Variants in CABLES1 observed in about 807,000 individuals in gnomAD.
The protein encoded by CABLES1 is CDK5 and ABL1 enzyme substrate 1.
In CABLES1, 36 loss-of-function variants were observed where a neutral mutation model predicts 57.8. That is an observed-to-expected ratio of 0.62 (90% CI 0.48 to 0.82). The LOEUF (loss-of-function observed/expected upper bound fraction) is 0.82. Among genes scored for constraint, CABLES1 ranks in the 40% least tolerant of loss-of-function variants. The pLI, the probability that CABLES1 is intolerant of heterozygous loss-of-function variation, is 0.00. For synonymous variants in CABLES1, 374 were observed against 363.0 expected, an observed-to-expected ratio of 1.03 and a Z score of -0.35; for missense variants, 767 against 836.6, an observed-to-expected ratio of 0.92 and a Z score of 1.03.
At chr18:23,167,565 G>T (rs1236500671) in intron 1 of CABLES1, among the ~76,000 whole-genome samples, 1 of 152,190 alleles carries the variant, frequency 6.6e-6, no homozygotes, top group Non-Finnish European at 1.5e-5. Flanking sequence ...GGAGTACCTT[G>T]TGCTTTGGTT....
intron 1 of CABLES1, among the ~76,000 whole-genome samples, chr18:23,152,094 G>T (rs1412284551): frequency 6.6e-6 from 1 of 152,150 alleles, no homozygotes; most frequent in Non-Finnish European, 1.5e-5. Flanking sequence ...TTGATCCAGT[G>T]TTATGAGTTT....
At chr18:23,190,870 T>A (rs1480130104) in intron 2 of CABLES1, among the ~76,000 whole-genome samples, 1 of 150,728 alleles carries the variant, frequency 6.6e-6, no homozygotes, top group Non-Finnish European at 1.5e-5. Flanking sequence ...AGTCTAGGAG[T>A]TCAAGACCAG....
At chr18:23,245,289 C>T (rs1246952230) in intron 7 of CABLES1, among the ~76,000 whole-genome samples, 1 of 152,170 alleles carries the variant, frequency 6.6e-6, no homozygotes, top group African/African-American at 2.4e-5. Flanking sequence ...GGGCGGATCA[C>T]TTGAGGTCAG....
At chr18:23,202,614 C>T (rs942048175) in intron 3 of CABLES1, among the ~76,000 whole-genome samples, 1 of 152,204 alleles carries the variant, frequency 6.6e-6, no homozygotes, top group African/African-American at 2.4e-5. Flanking sequence ...AGAAGACAGA[C>T]ATTTACACAG....
chr18:23,156,617 A>C (rs933784142), intron 1 of CABLES1, among the ~76,000 whole-genome samples: 2 of 152,216 alleles, frequency 1.3e-5, no homozygotes, highest in African/African-American at 4.8e-5. Context: ...AGGCAAATAC[A>C]TGGGTAGCTA....
chr18:23,210,032 GA>G (rs2047393583), intron 3 of CABLES1, among the ~76,000 whole-genome samples: 1 of 152,230 alleles, frequency 6.6e-6, no homozygotes, highest in African/African-American at 2.4e-5. Flanking sequence ...GTGTGAAAAA[GA>G]AAGCTGGACG....
intron 4 of CABLES1, 193 bp downstream of exon 4, chr18:23,214,247 G>A: frequency 1.8e-6 from 1 of 548,040 alleles, no homozygotes; most frequent in Non-Finnish European, 3.2e-6. Flanking sequence ...TTGTGTGTGT[G>A]CGTGTGTGTC....
At chr18:23,198,562 G>C (rs1306980531) in intron 3 of CABLES1, among the ~76,000 whole-genome samples, 1 of 152,130 alleles carries the variant, frequency 6.6e-6, no homozygotes, top group Non-Finnish European at 1.5e-5. Flanking sequence ...CCTTTAAATG[G>C]GAGTTTATCC....
intron 1 of CABLES1, among the ~76,000 whole-genome samples, chr18:23,170,440 C>T (rs1434757699): frequency 1.3e-5 from 2 of 152,152 alleles, no homozygotes; most frequent in Non-Finnish European, 2.9e-5. Context: ...AGCAGGGTTG[C>T]TTCTGAGCTT....
Position 23,136,578 on chromosome 18 carries a change from C to A in CABLES1, c.816C>A (p.Thr272=). The change falls in exon 1 of 10, where the codon ACC becomes ACA. Residue 272 remains threonine (T), a synonymous_variant. Coordinates refer to ENST00000256925, the MANE Select transcript of CABLES1 (RefSeq NM_001100619.3). Reference sequence around the variant, plus strand: ...AGCAGCCAGGCCAGGGCGGCAGCACCAGCGCCTTCGAGCAGCTGCAGAGGT... The same window carrying A: ...AGCAGCCAGGCCAGGGCGGCAGCACAAGCGCCTTCGAGCAGCTGCAGAGGT... The part of the protein sequence containing the change: ...SLEQPGQGGS[T]SAFEQLQRSR... The A allele has an allele frequency of 6.6e-7, 1 of 1,505,210 alleles. No individual in the cohort carries two copies. The highest frequency in any genetic ancestry group is 2.1e-5 in the Admixed American group (1 of 47,178). 93.2% of individuals were successfully genotyped at this position (1,505,210 alleles called of 1,614,324 possible).
chr18:23,217,828 C>T (rs958136137), intron 4 of CABLES1, among the ~76,000 whole-genome samples: 4 of 152,198 alleles, frequency 2.6e-5, no homozygotes, highest in African/African-American at 7.2e-5. Flanking sequence ...GTGACTGGGA[C>T]GTAAGTCATA....
At chr18:23,213,369 G>A (rs1443879804) in intron 3 of CABLES1, among the ~76,000 whole-genome samples, 1 of 151,030 alleles carries the variant, frequency 6.6e-6, no homozygotes, top group Admixed American at 6.6e-5. Context: ...TTGTTTTAAT[G>A]TTTTTTTTTA....
chr18:23,153,794 G>A (rs1190805685), intron 1 of CABLES1, among the ~76,000 whole-genome samples: 1 of 152,070 alleles, frequency 6.6e-6, no homozygotes, highest in Non-Finnish European at 1.5e-5. Flanking sequence ...ACTTTGAGAG[G>A]CTGAGGCGGG....
chr18:23,213,947 T>C, intron 3 of CABLES1, 30 bp from the exon 4 acceptor site: 9 of 1,426,410 alleles, frequency 6.3e-6, no homozygotes, highest in Non-Finnish European at 7.8e-6. Flanking sequence ...TTTAGTGTGT[T>C]TGTTGTTTGT....
intron 7 of CABLES1, among the ~76,000 whole-genome samples, chr18:23,240,097 A>C (rs2047697016): frequency 6.6e-6 from 1 of 152,156 alleles, no homozygotes; most frequent in Non-Finnish European, 1.5e-5. Flanking sequence ...CAGCCTGGAC[A>C]ATAAAGCAAG....
At chr18:23,206,661 A>G (rs1302290070) in intron 3 of CABLES1, among the ~76,000 whole-genome samples, 2 of 152,184 alleles carry the variant, frequency 1.3e-5, no homozygotes, top group African/African-American at 2.4e-5. Flanking sequence ...GATTTTTACA[A>G]TTTTTTCCTA....
At chr18:23,200,558 G>C (rs1034200716) in intron 3 of CABLES1, among the ~76,000 whole-genome samples, 2 of 151,980 alleles carry the variant, frequency 1.3e-5, no homozygotes, top group African/African-American at 2.4e-5. Flanking sequence ...CACCGTGCCC[G>C]GTCAGGAGAG....
intron 3 of CABLES1, among the ~76,000 whole-genome samples, chr18:23,206,440 G>A (rs972103000): frequency 2.6e-5 from 4 of 152,248 alleles, no homozygotes; most frequent in African/African-American, 9.6e-5. Context: ...CTCCTACACA[G>A]CTTAGATGTT....
chr18:23,203,342 G>C (rs1041071236), intron 3 of CABLES1, among the ~76,000 whole-genome samples: 1 of 152,070 alleles, frequency 6.6e-6, no homozygotes, highest in Admixed American at 6.5e-5. Context: ...AGTCGACTGA[G>C]CTATCTCCTC....
Sources: allele counts gnomAD v4.1 joint callset (sites outside exome capture counted in the v4.1 genomes callset), GRCh38; gene constraint gnomAD v4.1.1; transcripts MANE v1.5; gene names NCBI Gene and HGNC (gene_info 2026-07-23, HGNC 2026-07-21).